Variants in FAM200B observed in about 807,000 individuals in gnomAD.
The protein encoded by FAM200B is protein FAM200B.
A neutral mutation model predicts 33.1 loss-of-function variants in FAM200B; 32 were observed. The ratio of observed to expected loss-of-function variants is 0.97; its 90% CI spans 0.73 to 1.30. The LOEUF is 1.30. Ranked by LOEUF, FAM200B falls within the 50% of genes most tolerant of loss-of-function variation. FAM200B has a pLI of 0.00. For synonymous variants in FAM200B, 240 were observed against 264.8 expected, an observed-to-expected ratio of 0.91 and a Z score of 0.91; for missense variants, 741 against 754.0, an observed-to-expected ratio of 0.98 and a Z score of 0.20.
At chr4:15,658,584 T>C in the FAM200B span, among the ~76,000 whole-genome samples, 1 of 152,190 alleles carries the variant, frequency 6.6e-6, no homozygotes, top group Non-Finnish European at 1.5e-5. Context: ...CGCCATGTGA[T>C]GTCCTGCACT....
the FAM200B span, chr4:15,640,670 GTTC>G: frequency 2.1e-6 from 1 of 483,292 alleles, no homozygotes. Context: ...AAAGAACTGC[GTTC>G]TTCTCTCCAT....
chr4:15,637,038 TAG>T, the FAM200B span, among the ~76,000 whole-genome samples: 5 of 152,202 alleles, frequency 3.3e-5, no homozygotes, highest in Non-Finnish European at 5.9e-5. Flanking sequence ...TCAACAAGTA[TAG>T]AGTCAGCCAG....
chr4:15,680,897 AAGC>A (rs916178832), upstream of FAM200B, among the ~76,000 whole-genome samples: 56 of 149,170 alleles, frequency 3.8e-4, no homozygotes, highest in African/African-American at 1.4e-3. Flanking sequence ...CAAAAAAATA[AAGC>A]AGTATATATT....
chr4:15,683,872 C>G (rs1242751145), intron 1 of FAM200B, among the ~76,000 whole-genome samples: 1 of 152,152 alleles, frequency 6.6e-6, no homozygotes, highest in Non-Finnish European at 1.5e-5. Flanking sequence ...CATTAATTTT[C>G]TCATTCTCTC....
At chr4:15,661,919 G>A in the FAM200B span, among the ~76,000 whole-genome samples, 1 of 152,186 alleles carries the variant, frequency 6.6e-6, no homozygotes, top group Non-Finnish European at 1.5e-5. Flanking sequence ...CATCCTCATA[G>A]GCTGTTAGAA....
At chr4:15,655,606 A>T in the FAM200B span, among the ~76,000 whole-genome samples, 1 of 152,306 alleles carries the variant, frequency 6.6e-6, no homozygotes, top group African/African-American at 2.4e-5. Context: ...AAAGCACAGT[A>T]GCTGAGGGTA....
At chr4:15,675,736 C>G in the FAM200B span, among the ~76,000 whole-genome samples, 1 of 152,136 alleles carries the variant, frequency 6.6e-6, no homozygotes, top group Admixed American at 6.5e-5. Flanking sequence ...CACCTGACAC[C>G]ACACCCCATT....
the FAM200B span, among the ~76,000 whole-genome samples, chr4:15,642,696 A>G: frequency 3.3e-5 from 5 of 152,176 alleles, no homozygotes; most frequent in Non-Finnish European, 5.9e-5. Flanking sequence ...CATGGCTTCC[A>G]TTCCTACTTA....
chr4:15,677,565 T>TCACTAGTCAC (rs1388821115), upstream of FAM200B, among the ~76,000 whole-genome samples: 1 of 152,136 alleles, frequency 6.6e-6, no homozygotes, highest in East Asian at 1.9e-4. Context: ...AATAAGTGAC[T>TCACTAGTCAC]AGTGATTAAT....
At chr4:15,660,587 C>T in the FAM200B span, among the ~76,000 whole-genome samples, 2 of 152,232 alleles carry the variant, frequency 1.3e-5, no homozygotes, top group Admixed American at 1.3e-4. Context: ...TACCTACCCA[C>T]AAGATCTAGG....
chr4:15,668,649 T>C, the FAM200B span, among the ~76,000 whole-genome samples: 1 of 152,166 alleles, frequency 6.6e-6, no homozygotes, highest in Non-Finnish European at 1.5e-5. Flanking sequence ...ATTCTTGAAA[T>C]AAAGGCTTAA....
chr4:15,681,990 CT>C (rs1187650514), intron 1 of FAM200B, 89 bp downstream of exon 1: 2 of 152,464 alleles, frequency 1.3e-5, no homozygotes, highest in African/African-American at 2.4e-5. Flanking sequence ...GAAATACAGT[CT>C]GGTTTTGCCC....
the FAM200B span, among the ~76,000 whole-genome samples, chr4:15,675,182 A>G: frequency 6.6e-6 from 1 of 152,212 alleles, no homozygotes; most frequent in Non-Finnish European, 1.5e-5. Context: ...CATAATTTAT[A>G]GAGGAAAGCT....
chr4:15,663,783 G>A, the FAM200B span, among the ~76,000 whole-genome samples: 3 of 152,204 alleles, frequency 2.0e-5, no homozygotes, highest in Admixed American at 2.0e-4. Context: ...TACAGATTCA[G>A]TAAGTCCAAA....
chr4:15,684,499 G>A (rs566986106), intron 1 of FAM200B, among the ~76,000 whole-genome samples: 1 of 152,328 alleles, frequency 6.6e-6, no homozygotes, highest in Admixed American at 6.5e-5. Context: ...AGAGGTGGCA[G>A]AAGGACAAAA....
intron 1 of FAM200B, chr4:15,684,804 G>T (rs988666332): frequency 6.6e-6 from 1 of 152,138 alleles, no homozygotes; most frequent in Non-Finnish European, 1.5e-5. Context: ...TAATGTCCTC[G>T]ACAGAGGACA....
the FAM200B span, among the ~76,000 whole-genome samples, chr4:15,651,699 C>A: frequency 1.3e-5 from 2 of 152,170 alleles, no homozygotes; most frequent in Admixed American, 6.5e-5. Context: ...ATAAAATGTC[C>A]TATCTGTATA....
intron 1 of FAM200B, among the ~76,000 whole-genome samples, chr4:15,683,125 A>T (rs1053574284): frequency 1.3e-5 from 2 of 152,236 alleles, no homozygotes; most frequent in African/African-American, 4.8e-5. Flanking sequence ...TAACAATAAC[A>T]ATCATTGCAT....
the FAM200B span, among the ~76,000 whole-genome samples, chr4:15,660,073 A>AC: frequency 1.3e-5 from 2 of 149,220 alleles, no homozygotes; most frequent in East Asian, 3.9e-4. Context: ...CTTCCTCCCT[A>AC]CCCCTGACAT....
Sources: allele counts gnomAD v4.1 joint callset (sites outside exome capture counted in the v4.1 genomes callset), GRCh38; gene constraint gnomAD v4.1.1; transcripts MANE v1.5; gene names NCBI Gene and HGNC (gene_info 2026-07-23, HGNC 2026-07-21).